Variants in P4HA1 observed in about 807,000 individuals in gnomAD.
P4HA1 encodes prolyl 4-hydroxylase subunit alpha 1.
In P4HA1, 24 loss-of-function variants were observed where a neutral mutation model predicts 72.8. That is an observed-to-expected ratio of 0.33 (90% CI 0.24 to 0.46). The LOEUF (loss-of-function observed/expected upper bound fraction) is 0.46. Among genes scored for constraint, P4HA1 ranks in the 20% least tolerant of loss-of-function variants. P4HA1 has a pLI of 1.00. For synonymous variants in P4HA1, 201 were observed against 218.8 expected (o/e 0.92, Z 0.72); for missense variants, 446 against 640.6 (o/e 0.70, Z 3.28).
chr10:73,069,848 A>G (rs1841511268), intron 4 of P4HA1, among the ~76,000 whole-genome samples: 1 of 148,612 alleles, frequency 6.7e-6, no homozygotes, highest in African/African-American at 2.6e-5. Context: ...TCTGTCATCC[A>G]GGCTGGAGAG....
chr10:73,084,177 G>T (rs1841878662), intron 1 of P4HA1, among the ~76,000 whole-genome samples: 1 of 152,162 alleles, frequency 6.6e-6, no homozygotes, highest in African/African-American at 2.4e-5. Context: ...AAGGATACAA[G>T]TAAAAAGTTT....
intron 5 of P4HA1, among the ~76,000 whole-genome samples, chr10:73,054,041 T>C (rs1589606114): frequency 6.6e-6 from 1 of 152,038 alleles, no homozygotes; most frequent in African/African-American, 2.4e-5. Context: ...CTCAGCCTCC[T>C]GAGTAGCTGG....
chr10:73,056,333 A>G (rs989211916), intron 5 of P4HA1, among the ~76,000 whole-genome samples: 8 of 152,186 alleles, frequency 5.3e-5, no homozygotes, highest in Non-Finnish European at 8.8e-5. Context: ...GAAAATATGA[A>G]CAAATAAGAT....
intron 10 of P4HA1, among the ~76,000 whole-genome samples, chr10:73,019,715 C>T (rs1474029226): frequency 3.9e-5 from 4 of 103,092 alleles, no homozygotes; most frequent in Middle Eastern, 6.7e-3. Flanking sequence ...GGCGACAGAG[C>T]GAGACTCTGT....
chr10:73,038,462 A>C (rs1390013024), intron 9 of P4HA1, among the ~76,000 whole-genome samples: 1 of 152,112 alleles, frequency 6.6e-6, no homozygotes, highest in African/African-American at 2.4e-5. Flanking sequence ...CATTATTTAT[A>C]TTACTTTAAC....
intron 3 of P4HA1, 38 bp from the exon 4 acceptor site, chr10:73,072,218 T>C: frequency 6.5e-7 from 1 of 1,532,106 alleles, no homozygotes; most frequent in East Asian, 2.3e-5. Context: ...TATTTATATT[T>C]CATAGGGAAA....
At chr10:73,060,621 A>G (rs1430833067) in intron 5 of P4HA1, among the ~76,000 whole-genome samples, 3 of 152,206 alleles carry the variant, frequency 2.0e-5, no homozygotes, top group Non-Finnish European at 2.9e-5. Flanking sequence ...CTCATTGAAG[A>G]AATGCCTAGT....
chr10:73,023,694 A>G (rs1840191118), intron 10 of P4HA1, among the ~76,000 whole-genome samples: 1 of 152,156 alleles, frequency 6.6e-6, no homozygotes, highest in Non-Finnish European at 1.5e-5. Flanking sequence ...GAAAAGGCAC[A>G]GACTGGCAAA....
intron 9 of P4HA1, among the ~76,000 whole-genome samples, chr10:73,038,043 C>A (rs948051078): frequency 6.6e-6 from 1 of 151,952 alleles, no homozygotes. Context: ...ATCACTTGAG[C>A]CCAGGAGTTC....
intron 10 of P4HA1, among the ~76,000 whole-genome samples, chr10:73,026,839 A>G (rs966227700): frequency 6.6e-6 from 1 of 152,268 alleles, no homozygotes; most frequent in Non-Finnish European, 1.5e-5. Flanking sequence ...CAACAGGCAC[A>G]TGAAAAAATG....
At chr10:73,037,896 C>T (rs1840636650) in intron 9 of P4HA1, among the ~76,000 whole-genome samples, 2 of 151,668 alleles carry the variant, frequency 1.3e-5, no homozygotes, top group Non-Finnish European at 2.9e-5. Context: ...ATATATTATA[C>T]TTTAATACTA....
In P4HA1 at chr10:73,088,801, A is replaced by G. The variant is rs536782736; in HGVS notation, c.-33+7965T>C. ...CTGCCCTTAAACTTTTTCAAAATGA[A>G]TTGACAATTTTTGTGTGACTAAATT... On this transcript the variant is annotated intron_variant, in intron 1 of 14. Transcript: ENST00000394890. Among the ~76,000 whole-genome samples, 33 of 152,360 alleles carry G rather than the reference A, an allele frequency of 2.2e-4. No individual in the cohort carries two copies. The South Asian group carries it at 6.8e-3, about 32-fold the overall frequency.
chr10:73,089,387 C>T (rs1841982116), intron 1 of P4HA1, among the ~76,000 whole-genome samples: 2 of 152,186 alleles, frequency 1.3e-5, no homozygotes, highest in South Asian at 4.1e-4. Context: ...CTCTTTGAAG[C>T]ACACTGTTTA....
chr10:73,007,625 T>C lies in P4HA1; in HGVS notation c.*597A>G, dbSNP rs1839821810. On this transcript the variant is annotated 3_prime_UTR_variant, in exon 15 of 15. Transcript: ENST00000394890. ...AATATTTTAACTCAAGTACGTTTAATTCACCACAGAGGAGCTAAAAGAAAA... is the reference window on the plus strand; with the variant it reads ...AATATTTTAACTCAAGTACGTTTAACTCACCACAGAGGAGCTAAAAGAAAA... The C allele has an allele frequency of 6.6e-6, 1 of 151,846 alleles. No individual in the cohort carries two copies. 9.4% of individuals were successfully genotyped at this position (151,846 alleles called of 1,614,324 possible). A position where few individuals can be genotyped will look rare whatever the true frequency, so the allele number is the denominator to read the frequency against.
At chr10:73,010,694 C>T (rs779629127) in intron 13 of P4HA1, among the ~76,000 whole-genome samples, 4 of 151,960 alleles carry the variant, frequency 2.6e-5, no homozygotes, top group Non-Finnish European at 4.4e-5. Flanking sequence ...TACAGGGAGA[C>T]ACTGTCTCTA....
chr10:73,087,069 CTCCAAAGTAGCTACACTATTTGCCCT>C (rs1444938179), intron 1 of P4HA1, among the ~76,000 whole-genome samples: 2 of 151,320 alleles, frequency 1.3e-5, no homozygotes, highest in African/African-American at 4.9e-5. Context: ...CCAAACGTTT[CTCCAAAGTAGCTACACTATTTGCCCT>C]TCCAACAGCA....
At chr10:73,052,890 G>A (rs758735012) in intron 6 of P4HA1, among the ~76,000 whole-genome samples, 3 of 152,138 alleles carry the variant, frequency 2.0e-5, no homozygotes, top group Non-Finnish European at 2.9e-5. Flanking sequence ...CATACTTGAA[G>A]AAACACTACA....
chr10:73,054,472 A>G (rs1422731023), intron 5 of P4HA1, among the ~76,000 whole-genome samples: 2 of 152,084 alleles, frequency 1.3e-5, no homozygotes. Context: ...CTACCCATTA[A>G]CTTCCCCACC....
At chr10:73,010,555 G>A (rs1839892611) in intron 13 of P4HA1, among the ~76,000 whole-genome samples, 1 of 152,080 alleles carries the variant, frequency 6.6e-6, no homozygotes, top group Admixed American at 6.6e-5. Context: ...CTCGTGGCAA[G>A]GACCATAAAA....
Sources: gnomAD v4.1 joint callset for allele counts (sites outside exome capture counted in the v4.1 genomes callset) on GRCh38, gnomAD v4.1.1 for gene constraint, MANE v1.5 for transcripts, NCBI Gene and HGNC (gene_info 2026-07-23, HGNC 2026-07-21) for gene names.